Variants in ARHGEF26 observed in about 807,000 individuals in gnomAD.
ARHGEF26 encodes Rho guanine nucleotide exchange factor (GEF) 26.
Under a neutral mutation model 89.4 loss-of-function variants are expected in ARHGEF26, and 59 were observed. The observed-to-expected ratio is 0.66, with a 90% confidence interval of 0.54 to 0.82. The LOEUF is 0.82. Ranked by LOEUF, ARHGEF26 falls within the 40% of genes least tolerant of loss-of-function variation. ARHGEF26 has a pLI of 0.00. For synonymous variants in ARHGEF26, 500 were observed against 428.4 expected, an observed-to-expected ratio of 1.17 and a Z score of -2.06; for missense variants, 1,234 against 1,085.6, an observed-to-expected ratio of 1.14 and a Z score of -1.92.
Position 154,191,392 on chromosome 3 carries a change from G to T in ARHGEF26, c.1744G>T (p.Val582Leu). 1 of 1,613,852 alleles carries T rather than the reference G, an allele frequency of 6.2e-7. No homozygotes were observed. ...TTTTCTCATTCTCCCCATGCAGAGGGTGACCCGCCTTCCCCTGCTGATGGA... is the reference window on the plus strand; with the variant it reads ...TTTTCTCATTCTCCCCATGCAGAGGTTGACCCGCCTTCCCCTGCTGATGGA... ...ISFLILPMQRVTRLPLLMDTI... is the reference protein window; with the variant it reads ...ISFLILPMQRLTRLPLLMDTI... The change falls in exon 8 of 15, where the codon GTG (valine) becomes TTG (leucine). Residue 582 changes from valine to leucine, a missense_variant. Transcript: ENST00000465093.
In ARHGEF26 at chr3:154,256,987, A is replaced by G; in HGVS notation, c.*1514A>G. ...ATTCCCTCTCTGTTCTATTTGCTTT[A>G]ACAAAGGGATAAAACCTGGCAAAGT... is the stretch of plus-strand genomic sequence containing the variant. On this transcript the variant is annotated 3_prime_UTR_variant, in exon 15 of 15. Coordinates refer to ENST00000465093, the MANE Select transcript of ARHGEF26 (RefSeq NM_015595.4). 1.3e-6 allele frequency: 2 copies of G among 1,520,496 alleles called. No homozygotes were observed. Among genetic ancestry groups the G allele is most frequent in the Non-Finnish European group, 1.8e-6 (2 of 1,140,528 alleles). 94.2% of individuals were successfully genotyped at this position (1,520,496 alleles called of 1,614,324 possible).
chr3:154,168,761 G>T (rs990965984), intron 6 of ARHGEF26, among the ~76,000 whole-genome samples: 3 of 151,894 alleles, frequency 2.0e-5, no homozygotes, highest in Admixed American at 6.6e-5. Flanking sequence ...AAATAAAAAT[G>T]GTTTCTTATT....
intron 4 of ARHGEF26, among the ~76,000 whole-genome samples, chr3:154,139,078 C>T (rs894460368): frequency 5.9e-5 from 9 of 152,074 alleles, no homozygotes; most frequent in Non-Finnish European, 7.4e-5. Context: ...GGGTCCAGGA[C>T]GATAGCTGGT....
intron 7 of ARHGEF26, among the ~76,000 whole-genome samples, chr3:154,188,222 C>T (rs1436543807): frequency 1.3e-5 from 2 of 152,152 alleles, no homozygotes; most frequent in Admixed American, 6.5e-5. Context: ...AGCTAAGATT[C>T]AGAGTTTTCT....
chr3:154,244,901 C>G (rs1576825172), intron 12 of ARHGEF26, among the ~76,000 whole-genome samples: 1 of 147,054 alleles, frequency 6.8e-6, no homozygotes, highest in South Asian at 2.2e-4. Flanking sequence ...GTAGGCTGTT[C>G]CACCCCCACT....
At chr3:154,207,185 A>G (rs1386175293) in intron 9 of ARHGEF26, among the ~76,000 whole-genome samples, 1 of 152,214 alleles carries the variant, frequency 6.6e-6, no homozygotes, top group African/African-American at 2.4e-5. Context: ...CATTCGGGAC[A>G]TAGGCATGGG....
Position 154,253,139 on chromosome 3 carries a change from C to T in ARHGEF26, c.2324C>T (p.Thr775Ile). The T allele has an allele frequency of 6.2e-7, 1 of 1,614,048 alleles. No homozygotes were observed. The highest frequency in any genetic ancestry group is 8.5e-7 in the Non-Finnish European group (1 of 1,179,894). The change falls in exon 13 of 15, where the codon ACT becomes ATT. Residue 775 changes from threonine to isoleucine, a missense_variant. By Grantham distance (89) the Thr-to-Ile change is moderately conservative (BLOSUM62 -1). Transcript: ENST00000465093. ...ETQSERARWI[T>I]ALGHSSGKPP... ...AGGAGCGAGCGAGCCCGCTGGATAA[C>T]TGCCCTGGGACACAGCAGCGGGAAG...
At chr3:154,215,714 A>G (rs1180536693) in intron 9 of ARHGEF26, among the ~76,000 whole-genome samples, 1 of 152,138 alleles carries the variant, frequency 6.6e-6, no homozygotes, top group Non-Finnish European at 1.5e-5. Context: ...ATGTCCTCAC[A>G]TGGTGGAGAG....
At position 154,253,687 on chromosome 3, in the gene ARHGEF26, C is replaced by G. The variant is rs1201722517; in HGVS notation, c.2368+504C>G. Among the ~76,000 whole-genome samples the G allele has an allele frequency of 2.0e-5, 3 of 152,110 alleles. No homozygotes were observed. The East Asian group carries it at 5.8e-4, about 29-fold the overall frequency. ...TTCTAAGAAAGTGTGTTTCACTATT[C>G]TAGAGAATTAGAAACTGGCGCAGTG... On this transcript the variant is annotated intron_variant, in intron 13 of 14. Coordinates refer to ENST00000465093, the MANE Select transcript of ARHGEF26 (RefSeq NM_015595.4).
chr3:154,140,588 C>CTTTTTTTT (rs34090306), intron 4 of ARHGEF26, among the ~76,000 whole-genome samples: 1 of 134,920 alleles, frequency 7.4e-6, no homozygotes, highest in Non-Finnish European at 1.5e-5. Flanking sequence ...TTTCTGAGTG[C>CTTTTTTTT]TTTTTTTTTT....
At chr3:154,135,244 C>G (rs1331917137) in intron 4 of ARHGEF26, among the ~76,000 whole-genome samples, 2 of 152,068 alleles carry the variant, frequency 1.3e-5, no homozygotes, top group Non-Finnish European at 2.9e-5. Flanking sequence ...ATTACTGCCT[C>G]AATTTCAGAA....
chr3:154,186,166 C>CACACACA (rs397991429), intron 6 of ARHGEF26, among the ~76,000 whole-genome samples: 59 of 144,804 alleles, frequency 4.1e-4, no homozygotes, highest in Middle Eastern at 3.4e-3. Flanking sequence ...CACACACACA[C>CACACACA]CCCTATACAC....
chr3:154,216,478 G>GTTTTTTTTTTTTTTTTTTTTT (rs1199918146), intron 9 of ARHGEF26, among the ~76,000 whole-genome samples: 1 of 37,692 alleles, frequency 2.7e-5, no homozygotes, highest in Non-Finnish European at 4.9e-5. Context: ...TTCAGCACTT[G>GTTTTTTTTTTTTTTTTTTTTT]TTTTTTTTTT....
intron 6 of ARHGEF26, among the ~76,000 whole-genome samples, chr3:154,184,181 C>A (rs970551022): frequency 5.9e-5 from 9 of 152,108 alleles, no homozygotes; most frequent in Non-Finnish European, 7.4e-5. Context: ...ACTGTGTTAG[C>A]CAGGATGGTC....
At chr3:154,206,203 G>A (rs1480384173) in intron 9 of ARHGEF26, among the ~76,000 whole-genome samples, 1 of 152,132 alleles carries the variant, frequency 6.6e-6, no homozygotes, top group East Asian at 1.9e-4. Context: ...CTTGAAATAT[G>A]TCATGCCCCT....
chr3:154,156,672 AT>A (rs1368794988), intron 6 of ARHGEF26, among the ~76,000 whole-genome samples: 1 of 152,196 alleles, frequency 6.6e-6, no homozygotes, highest in Non-Finnish European at 1.5e-5. Flanking sequence ...TACTCAGAAG[AT>A]TTATTTGCAA....
chr3:154,197,821 A>G (rs1008448753), intron 9 of ARHGEF26, among the ~76,000 whole-genome samples: 4 of 152,154 alleles, frequency 2.6e-5, no homozygotes, highest in African/African-American at 9.7e-5. Flanking sequence ...GATAATTTCC[A>G]TAGGAATCTG....
At chr3:154,187,184 C>T (rs1243525963) in intron 6 of ARHGEF26, 2 of 983,346 alleles carry the variant, frequency 2.0e-6, no homozygotes, top group African/African-American at 1.8e-5. Flanking sequence ...GCCACCACAC[C>T]TCCTGGCCTC....
intron 6 of ARHGEF26, 144 bp from the exon 7 acceptor site, chr3:154,187,541 T>C: frequency 1.6e-6 from 1 of 611,864 alleles, no homozygotes; most frequent in Middle Eastern, 4.8e-4. Flanking sequence ...ATAAAATTTT[T>C]ATAGATTTTA....
Sources: allele counts gnomAD v4.1 joint callset (sites outside exome capture counted in the v4.1 genomes callset), GRCh38; gene constraint gnomAD v4.1.1; transcripts MANE v1.5; gene names NCBI Gene and HGNC (gene_info 2026-07-23, HGNC 2026-07-21).